The following SPRED1 variants were observed in gnomAD, a reference collection of about 807,000 sequenced individuals.
SPRED1 encodes sprouty related EVH1 domain containing 1, also known as sprouty-related, EVH1 domain-containing protein 1.
SPRED1 carries 18 observed loss-of-function variants against 52.3 expected under a neutral mutation model. That is an observed-to-expected ratio of 0.34 (90% CI 0.24 to 0.51). The LOEUF (loss-of-function observed/expected upper bound fraction) is 0.51, where lower values mean the gene tolerates loss of function less well. Among genes scored for constraint, SPRED1 ranks in the 20% least tolerant of loss-of-function variants. The pLI is 0.97. For synonymous variants in SPRED1, 155 were observed against 179.7 expected (o/e 0.86, Z 1.10); for missense variants, 485 against 551.0 (o/e 0.88, Z 1.20).
intron 2 of SPRED1, among the ~76,000 whole-genome samples, chr15:38,308,827 G>A (rs1298665671): frequency 2.0e-5 from 3 of 152,090 alleles, no homozygotes; most frequent in Non-Finnish European, 4.4e-5. Context: ...TTATTTCTCT[G>A]GGGTAAATGA....
At position 38,299,364 on chromosome 15, in the gene SPRED1, CT is replaced by C; in HGVS notation, c.33-8del. 1.2e-6 allele frequency: 2 copies of C among 1,613,688 alleles called. No individual in the cohort carries two copies. Among genetic ancestry groups the C allele is most frequent in the Non-Finnish European group, 1.7e-6 (2 of 1,179,780 alleles). On this transcript the variant is annotated splice_polypyrimidine_tract_variant and splice_region_variant and intron_variant, in intron 1 of 6. Transcript: ENST00000299084. ...AAAAGCTAATTCCTGATCTTTGCAT[CT>C]ATTTTAGTAATAGTTATGCACGAGT...
chr15:38,312,067 CATT>C (rs1411089701), intron 2 of SPRED1, among the ~76,000 whole-genome samples: 3 of 151,964 alleles, frequency 2.0e-5, no homozygotes, highest in African/African-American at 7.2e-5. Context: ...TAAAATTTAA[CATT>C]ATTTATTAAA....
chr15:38,322,510 T>G, intron 3 of SPRED1, 101 bp downstream of exon 3: 3 of 1,198,044 alleles, frequency 2.5e-6, no homozygotes, highest in Non-Finnish European at 3.6e-6. Context: ...ACTTTAACCA[T>G]GTCAGCTTTT....
At chr15:38,338,109 G>A (rs1004371842) in intron 4 of SPRED1, among the ~76,000 whole-genome samples, 8 of 151,048 alleles carry the variant, frequency 5.3e-5, no homozygotes, top group African/African-American at 1.7e-4. Context: ...CTACTCAGGA[G>A]GCTGAGGCAG....
rs997902648 is a variant in SPRED1, at chr15:38,275,706, C to G, written c.32+22489C>G. ...AGCGACGGGGTTTCACCATGTTCGT[C>G]AGGCTGGTCTTGAACTCCTGACCTC... On this transcript the variant is annotated intron_variant, in intron 1 of 6. Coordinates refer to ENST00000299084, the MANE Select transcript of SPRED1 (RefSeq NM_152594.3). Among the ~76,000 whole-genome samples the G allele has an allele frequency of 2.0e-5, 3 of 152,166 alleles. No individual in the cohort carries two copies. In the South Asian group the frequency reaches 6.2e-4, roughly 32 times the overall value.
At chr15:38,268,575 G>C (rs1026838997) in intron 1 of SPRED1, among the ~76,000 whole-genome samples, 7 of 152,170 alleles carry the variant, frequency 4.6e-5, no homozygotes, top group Admixed American at 3.9e-4. Flanking sequence ...GACCATGTAG[G>C]GGGTGGGGGA....
At chr15:38,255,997 C>A (rs1447895192) in intron 1 of SPRED1, among the ~76,000 whole-genome samples, 1 of 45,426 alleles carries the variant, frequency 2.2e-5, no homozygotes, top group African/African-American at 4.5e-5. Context: ...CGAGTACATG[C>A]TTATTATTTG....
chr15:38,298,791 T>G (rs546171790), intron 1 of SPRED1, among the ~76,000 whole-genome samples: 2 of 152,348 alleles, frequency 1.3e-5, no homozygotes, highest in Non-Finnish European at 2.9e-5. Context: ...CAGACCAATT[T>G]GCTTGTTAAG....
At chr15:38,280,299 A>C (rs1041260264) in intron 1 of SPRED1, among the ~76,000 whole-genome samples, 1 of 152,212 alleles carries the variant, frequency 6.6e-6, no homozygotes, top group African/African-American at 2.4e-5. Flanking sequence ...GAATCTCTTC[A>C]TGAATCCCTC....
chr15:38,340,748 C>A (rs1177241901), intron 5 of SPRED1, among the ~76,000 whole-genome samples: 1 of 151,968 alleles, frequency 6.6e-6, no homozygotes, highest in Non-Finnish European at 1.5e-5. Flanking sequence ...CTTGGTCATG[C>A]TGGTCTTGAA....
intron 2 of SPRED1, among the ~76,000 whole-genome samples, chr15:38,300,183 C>T (rs1014327126): frequency 6.9e-6 from 1 of 144,704 alleles, no homozygotes; most frequent in African/African-American, 2.5e-5. Flanking sequence ...TTCAGTTTAA[C>T]CTTTGATAAT....
chr15:38,264,316 T>A (rs551210353), intron 1 of SPRED1, among the ~76,000 whole-genome samples: 1 of 152,316 alleles, frequency 6.6e-6, no homozygotes, highest in African/African-American at 2.4e-5. Flanking sequence ...TCATATACTT[T>A]ATTGACAGAC....
At chr15:38,295,660 T>A (rs1895020658) in intron 1 of SPRED1, among the ~76,000 whole-genome samples, 2 of 152,140 alleles carry the variant, frequency 1.3e-5, no homozygotes, top group African/African-American at 4.8e-5. Context: ...ATATTATGTT[T>A]AACATATTAA....
intron 2 of SPRED1, among the ~76,000 whole-genome samples, chr15:38,315,273 C>CA (rs1179981505): frequency 6.6e-6 from 1 of 151,720 alleles, no homozygotes; most frequent in Non-Finnish European, 1.5e-5. Flanking sequence ...GTCTGGTTAC[C>CA]AAGCATACTA....
chr15:38,315,999 G>A (rs1008351226), intron 2 of SPRED1, among the ~76,000 whole-genome samples: 4 of 152,098 alleles, frequency 2.6e-5, no homozygotes, highest in African/African-American at 9.6e-5. Context: ...AAGCCTACAA[G>A]CTTAACTAAT....
intron 4 of SPRED1, among the ~76,000 whole-genome samples, chr15:38,337,184 T>G (rs1478745202): frequency 6.6e-6 from 1 of 152,356 alleles, no homozygotes; most frequent in Admixed American, 6.5e-5. Context: ...GCAATGAGTA[T>G]GCCTGTTTTC....
Position 38,278,828 on chromosome 15 carries a change from G to GTT in SPRED1, c.33-20531_33-20530dup, listed in dbSNP as rs765637726. Among the ~76,000 whole-genome samples the GTT allele has an allele frequency of 4.1e-4, 49 of 118,256 alleles. 1 individual carries two copies. Among genetic ancestry groups the GTT allele is most frequent in the African/African-American group, 1.3e-3 (42 of 32,496 alleles). 77.6% of individuals were successfully genotyped at this position (118,256 alleles called of 152,430 possible). ...ACAACCATTATAACCTAACTACACTGTTTTTTTTTTTTTTTGTGAAATGAA... is the reference window on the plus strand; with the variant it reads ...ACAACCATTATAACCTAACTACACTGTTTTTTTTTTTTTTTTTGTGAAATGAA... On this transcript the variant is annotated intron_variant, in intron 1 of 6. Transcript: ENST00000299084.
chr15:38,335,792 T>C (rs187949703), intron 4 of SPRED1, among the ~76,000 whole-genome samples: 4 of 152,142 alleles, frequency 2.6e-5, no homozygotes, highest in Admixed American at 2.6e-4. Flanking sequence ...ATAGAATTGA[T>C]GCTAAACCTG....
chr15:38,256,035 A>G (rs1483088599), intron 1 of SPRED1, among the ~76,000 whole-genome samples: 4 of 152,172 alleles, frequency 2.6e-5, no homozygotes, highest in African/African-American at 7.2e-5. Flanking sequence ...AGAGAAATGG[A>G]TAACTCCTAG....
Sources: allele counts gnomAD v4.1 joint callset (sites outside exome capture counted in the v4.1 genomes callset), GRCh38; gene constraint gnomAD v4.1.1; transcripts MANE v1.5; gene names NCBI Gene and HGNC (gene_info 2026-07-23, HGNC 2026-07-21).